The following TRPM8 variants were observed in gnomAD, a reference collection of about 807,000 sequenced individuals.
The protein encoded by TRPM8 is TRPM8 cationic channel.
In TRPM8, 110 loss-of-function variants were observed where a neutral mutation model predicts 133.7. The observed-to-expected ratio is 0.82, with a 90% CI of 0.70 to 0.96. The LOEUF (loss-of-function observed/expected upper bound fraction) is 0.96. Ranked by LOEUF, TRPM8 falls within the 40% of genes least tolerant of loss-of-function variation. The pLI, the probability that TRPM8 is intolerant of heterozygous loss-of-function variation, is 0.00. For missense variants in TRPM8, 1,291 were observed against 1,379.5 expected (o/e 0.94, Z 1.02); for synonymous variants, 535 against 532.3 (o/e 1.01, Z -0.07).
In TRPM8 at chr2:233,950,005, C is replaced by G. The variant is rs1691135039; in HGVS notation, c.999C>G (p.Gly333=). 6.2e-7 allele frequency: 1 copy of G among 1,614,154 alleles called. No homozygotes were observed. The highest frequency in any genetic ancestry group is 8.5e-7 in the Non-Finnish European group (1 of 1,180,040). ...CTTGTGTGGTGGTGGAAGGCTCGGGCCAGATCGCTGATGTGATCGCTAGCC... is the reference window on the plus strand; with the variant it reads ...CTTGTGTGGTGGTGGAAGGCTCGGGGCAGATCGCTGATGTGATCGCTAGCC... The part of the protein sequence containing the change: ...KIPCVVVEGS[G]QIADVIASLV... The change falls in exon 9 of 26, where the codon GGC becomes GGG. Residue 333 remains glycine (G), a synonymous_variant. Transcript: ENST00000324695.
rs1248277740 is a variant in TRPM8, at chr2:234,014,568, G to C, written c.3271G>C (p.Asp1091His). 6.5e-7 allele frequency: 1 copy of C among 1,541,736 alleles called. No homozygotes were observed. The highest frequency in any genetic ancestry group is 8.7e-7 in the Non-Finnish European group (1 of 1,148,514). The change falls in exon 25 of 26, where the codon GAT becomes CAT. Residue 1091 changes from aspartate (D) to histidine (H), a missense_variant. Around this residue, in one of 2 missense-constraint regions of TRPM8, gnomAD observed 328 missense variants for 410.6 expected, o/e 0.80. Coordinates refer to ENST00000324695, the MANE Select transcript of TRPM8 (RefSeq NM_024080.5). ...ATTTTTTTCTCTTTCCAAGCTTAAT[G>C]ATCTCAAGGGTCTTCTGAAAGAGAT... ...RFRQLDTKLN[D>H]LKGLLKEIAN...
intron 21 of TRPM8, among the ~76,000 whole-genome samples, chr2:233,986,895 G>A (rs1022351121): frequency 2.6e-5 from 4 of 152,200 alleles, no homozygotes; most frequent in African/African-American, 9.6e-5. Flanking sequence ...GGATAGGAAA[G>A]TTCAGGTGGA....
rs201008719 is a variant in TRPM8 at position 233,964,749 on chromosome 2, G to C, written c.1871G>C (p.Arg624Pro). 8 of 1,610,872 alleles carry C rather than the reference G, an allele frequency of 5.0e-6. No homozygotes were observed. Among genetic ancestry groups the C allele is most frequent in the Non-Finnish European group, 6.8e-6 (8 of 1,177,884 alleles). Reference sequence around the variant, plus strand: ...GAGCTGGCTAATGAGTACGAGACCCGGGCTGTTGGTGAGTCCACAGTGTGG... The same window carrying C: ...GAGCTGGCTAATGAGTACGAGACCCCGGCTGTTGGTGAGTCCACAGTGTGG... ...SEELANEYET[R>P]AVELFTECYS... The change falls in exon 14 of 26, where the codon CGG (arginine) becomes CCG (proline). Residue 624 changes from arginine (R) to proline (P), a missense_variant. By Grantham distance (103) the Arg-to-Pro change is moderately radical. Around this residue, in one of 2 missense-constraint regions of TRPM8, gnomAD observed 963 missense variants for 968.9 expected, o/e 0.99. Coordinates refer to ENST00000324695, the MANE Select transcript of TRPM8 (RefSeq NM_024080.5).
chr2:234,003,583 A>G (rs1346662774), intron 22 of TRPM8, among the ~76,000 whole-genome samples: 1 of 152,208 alleles, frequency 6.6e-6, no homozygotes, highest in African/African-American at 2.4e-5. Context: ...GCTGGTGGCT[A>G]TAGGACCTGG....
chr2:233,939,966 G>T (rs1690864732), intron 5 of TRPM8, among the ~76,000 whole-genome samples: 1 of 151,782 alleles, frequency 6.6e-6, no homozygotes, highest in East Asian at 1.9e-4. Context: ...GTTCATACTC[G>T]AATTTTGCTA....
chr2:233,973,358 C>G (rs987942738), intron 17 of TRPM8, among the ~76,000 whole-genome samples: 1 of 152,180 alleles, frequency 6.6e-6, no homozygotes, highest in African/African-American at 2.4e-5. Context: ...GGAGGCTGTG[C>G]GGGAGACTCT....
At chr2:234,012,422 A>T (rs1692861936) in intron 24 of TRPM8, among the ~76,000 whole-genome samples, 1 of 151,744 alleles carries the variant, frequency 6.6e-6, no homozygotes, top group Non-Finnish European at 1.5e-5. Context: ...CTAGGATTAC[A>T]GGCATGAGCC....
intron 24 of TRPM8, among the ~76,000 whole-genome samples, chr2:234,012,121 C>A (rs1692853953): frequency 6.7e-6 from 1 of 149,900 alleles, no homozygotes; most frequent in African/African-American, 2.5e-5. Context: ...TTGTATCCTG[C>A]AAATATACTG....
intron 22 of TRPM8, 124 bp from the exon 23 acceptor site, chr2:234,006,729 A>T: frequency 1.5e-6 from 1 of 654,126 alleles, no homozygotes. Context: ...CAGTCAAACC[A>T]GCCTGTGCAG....
chr2:233,943,815 C>T (rs1016227240), intron 6 of TRPM8, among the ~76,000 whole-genome samples: 2 of 152,188 alleles, frequency 1.3e-5, no homozygotes, highest in Admixed American at 6.5e-5. Context: ...GTTCAGAAAT[C>T]CACATTTAAG....
intron 17 of TRPM8, among the ~76,000 whole-genome samples, chr2:233,971,396 T>G (rs1691713231): frequency 6.6e-6 from 1 of 152,224 alleles, no homozygotes; most frequent in Non-Finnish European, 1.5e-5. Flanking sequence ...CTGTCTGTTC[T>G]CAGCGGGAGA....
At chr2:233,925,103 G>T (rs2125033899) in intron 1 of TRPM8, among the ~76,000 whole-genome samples, 1 of 152,312 alleles carries the variant, frequency 6.6e-6, no homozygotes, top group Middle Eastern at 3.4e-3. Context: ...GTGGCTGAGT[G>T]GTGGGTCTGC....
chr2:233,963,472 T>A (rs1034381384), intron 13 of TRPM8, 95 bp downstream of exon 13: 3 of 696,368 alleles, frequency 4.3e-6, no homozygotes, highest in Admixed American at 2.6e-5. Flanking sequence ...ATATAAAACA[T>A]CATCAGTGAA....
chr2:234,012,891 C>T (rs573242550), intron 24 of TRPM8, among the ~76,000 whole-genome samples: 8 of 151,604 alleles, frequency 5.3e-5, no homozygotes, highest in African/African-American at 1.7e-4. Flanking sequence ...TGGTTTTTGT[C>T]TTTCATTCTG....
At chr2:233,961,336 C>T (rs1487074904) in intron 12 of TRPM8, among the ~76,000 whole-genome samples, 3 of 152,128 alleles carry the variant, frequency 2.0e-5, no homozygotes, top group East Asian at 1.9e-4. Context: ...GATGGAGTCT[C>T]GCTCTGTCAC....
At chr2:233,925,090 A>G (rs1691488245) in intron 1 of TRPM8, among the ~76,000 whole-genome samples, 1 of 152,200 alleles carries the variant, frequency 6.6e-6, no homozygotes, top group South Asian at 2.1e-4. Context: ...CTGAGAGCAG[A>G]GTGTGGCTGA....
chr2:233,970,179 A>G (rs200113940), intron 16 of TRPM8, 31 bp from the exon 17 acceptor site: 2 of 1,596,594 alleles, frequency 1.3e-6, no homozygotes, highest in East Asian at 2.2e-5. Context: ...GCTTGCAAGG[A>G]TGCTGACGAT....
chr2:233,993,692 T>C (rs1452976280), intron 21 of TRPM8, among the ~76,000 whole-genome samples: 1 of 152,134 alleles, frequency 6.6e-6, no homozygotes, highest in Non-Finnish European at 1.5e-5. Flanking sequence ...AATAAATCTC[T>C]TCCTACTTGG....
intron 2 of TRPM8, among the ~76,000 whole-genome samples, chr2:233,927,900 T>TC (rs1691589410): frequency 4.3e-5 from 3 of 69,952 alleles, no homozygotes; most frequent in East Asian, 7.5e-4. Flanking sequence ...CTTTCTTTCT[T>TC]TCTTTCTTTC....
Sources: gnomAD v4.1 joint callset for allele counts (sites outside exome capture counted in the v4.1 genomes callset) on GRCh38, gnomAD v4.1.1 for gene constraint, gnomAD v4.1.1 regional missense constraint, MANE v1.5 for transcripts, NCBI Gene and HGNC (gene_info 2026-07-23, HGNC 2026-07-21) for gene names.